Variants in GPR89B observed in about 807,000 individuals in gnomAD.
GPR89B encodes the protein G protein-coupled receptor 89B.
In GPR89B, 25 loss-of-function variants were observed where a neutral mutation model predicts 52.4. That is an observed-to-expected ratio of 0.48 (90% CI 0.35 to 0.67). GPR89B has a LOEUF of 0.67. Ranked by LOEUF, GPR89B falls within the 30% of genes least tolerant of loss-of-function variation. GPR89B has a pLI of 0.01. For missense variants in GPR89B, 146 were observed against 450.2 expected, an observed-to-expected ratio of 0.32 and a Z score of 6.11; for synonymous variants, 52 against 151.2, an observed-to-expected ratio of 0.34 and a Z score of 4.81.
At chr1:148,012,261 C>G in the GPR89B span, 1 of 145,482 alleles carries the variant, frequency 6.9e-6, no homozygotes, top group Non-Finnish European at 1.5e-5. Context: ...TCTTTGTAAA[C>G]AGGAATCAGG....
At chr1:148,022,945 A>G in the GPR89B span, among the ~76,000 whole-genome samples, 323 of 151,962 alleles carry the variant, frequency 2.1e-3, 8 homozygotes, top group African/African-American at 7.1e-3. Context: ...TAATTTTTTT[A>G]GTGTACTATA....
intron 2 of GPR89B, among the ~76,000 whole-genome samples, 187 bp downstream of exon 2, chr1:147,936,873 A>G (rs1469877390): frequency 5.3e-5 from 8 of 152,246 alleles, no homozygotes; most frequent in Admixed American, 1.3e-4. Context: ...AAAAAGGCAA[A>G]TCAAATATAG....
intron 10 of GPR89B, among the ~76,000 whole-genome samples, chr1:147,971,608 C>T (rs1187045602): frequency 1.3e-5 from 2 of 151,066 alleles, no homozygotes; most frequent in African/African-American, 4.9e-5. Context: ...TCCCAAGTAG[C>T]TGGGACTACA....
intron 1 of GPR89B, among the ~76,000 whole-genome samples, chr1:147,936,182 T>G (rs1654071259): frequency 1.3e-5 from 2 of 152,148 alleles, no homozygotes; most frequent in Admixed American, 1.3e-4. Context: ...CAGCTAATTT[T>G]TGTATTTTCA....
rs587680959 is a variant in GPR89B at position 147,936,596 on chromosome 1, G to A, written c.43-31G>A. 15 of 1,569,710 alleles carry A rather than the reference G, an allele frequency of 9.6e-6. No homozygotes were observed. In the East Asian group the frequency reaches 2.5e-4, roughly 26 times the overall value. ...TAAAACATTTCTCAAAAGAAAATAT[G>A]TATTGACATTCTATCTTCTTTCTCC... On this transcript the variant is annotated intron_variant, in intron 1 of 13. Transcript: ENST00000314163.
the GPR89B span, chr1:148,004,002 T>C: frequency 2.2e-5 from 11 of 511,038 alleles, no homozygotes; most frequent in African/African-American, 4.5e-5. Flanking sequence ...CACACACAGA[T>C]GAGGAATGAC....
chr1:147,956,675 GA>G, intron 7 of GPR89B, among the ~76,000 whole-genome samples: 1 of 151,804 alleles, frequency 6.6e-6, no homozygotes, highest in South Asian at 2.1e-4. Context: ...TAAATGGAAA[GA>G]TATCCCATGT....
the GPR89B span, among the ~76,000 whole-genome samples, chr1:148,004,517 A>G: frequency 2.4e-5 from 3 of 126,088 alleles, no homozygotes; most frequent in Non-Finnish European, 5.0e-5. Context: ...ACCTACCCAC[A>G]TAGGTGCTAA....
At chr1:147,961,023 C>CA (rs1321615054) in intron 7 of GPR89B, among the ~76,000 whole-genome samples, 2 of 142,426 alleles carry the variant, frequency 1.4e-5, no homozygotes, top group Non-Finnish European at 3.1e-5. Flanking sequence ...ACCAAAAATA[C>CA]AAAAAAAATT....
the GPR89B span, among the ~76,000 whole-genome samples, chr1:148,005,194 A>AT: frequency 1.2e-5 from 1 of 85,220 alleles, no homozygotes; most frequent in Non-Finnish European, 2.3e-5. Flanking sequence ...CCAAAACCCT[A>AT]TATTAACACT....
At chr1:147,989,866 ATT>A (rs1658933651) in intron 12 of GPR89B, among the ~76,000 whole-genome samples, 3 of 152,164 alleles carry the variant, frequency 2.0e-5, no homozygotes. Flanking sequence ...AGTCTTTGCT[ATT>A]GTGAATAGAG....
chr1:147,989,580 C>A (rs1202375818), intron 12 of GPR89B, among the ~76,000 whole-genome samples: 109 of 152,194 alleles, frequency 7.2e-4, no homozygotes, highest in African/African-American at 2.4e-3. Flanking sequence ...GTCCCTCCCC[C>A]CTTCCCCCAC....
intron 10 of GPR89B, among the ~76,000 whole-genome samples, chr1:147,977,895 T>A (rs1211437206): frequency 2.0e-5 from 3 of 151,700 alleles, no homozygotes; most frequent in Non-Finnish European, 4.4e-5. Flanking sequence ...TAATGTTTTA[T>A]CATGGTTCTT....
chr1:147,968,615 A>G (rs1657201521), intron 8 of GPR89B: 1 of 576,480 alleles, frequency 1.7e-6, no homozygotes, highest in Non-Finnish European at 3.1e-6. Flanking sequence ...AAATGAAACT[A>G]TCTGTTTGAG....
intron 10 of GPR89B, among the ~76,000 whole-genome samples, chr1:147,975,451 A>G (rs1657767531): frequency 6.7e-6 from 1 of 150,184 alleles, no homozygotes; most frequent in African/African-American, 2.4e-5. Flanking sequence ...GTTGATTTGC[A>G]TAGAGATGTT....
intron 5 of GPR89B, among the ~76,000 whole-genome samples, chr1:147,950,193 C>T (rs1325292184): frequency 6.7e-5 from 10 of 148,942 alleles, no homozygotes; most frequent in East Asian, 6.2e-4. Context: ...GGTTGCCAGG[C>T]GGAGGGTCTC....
rs782728637 is a variant in GPR89B at position 147,928,504 on chromosome 1, A to C, written c.-33A>C. 1 of 1,613,484 alleles carries C rather than the reference A, an allele frequency of 6.2e-7. No homozygotes were observed. On this transcript the variant is annotated 5_prime_UTR_variant, in exon 1 of 14. Coordinates refer to ENST00000314163, the MANE Select transcript of GPR89B (RefSeq NM_016334.5). Reference sequence around the variant, plus strand: ...GCGTGCTGTGGCCTCCGGGAGTGGGAAGTGGAGGCAGGAGCCTTCCTTACA... The same window carrying C: ...GCGTGCTGTGGCCTCCGGGAGTGGGCAGTGGAGGCAGGAGCCTTCCTTACA...
chr1:147,968,713 G>C (rs1436375809), intron 8 of GPR89B, 162 bp from the exon 9 acceptor site: 29 of 1,040,134 alleles, frequency 2.8e-5, no homozygotes, highest in African/African-American at 4.8e-5. Flanking sequence ...TCAGAGGTTG[G>C]GAAAGTTGCT....
chr1:147,930,328 A>G (rs1653468828), intron 1 of GPR89B, among the ~76,000 whole-genome samples: 1 of 152,134 alleles, frequency 6.6e-6, no homozygotes, highest in Non-Finnish European at 1.5e-5. Context: ...GTTTTACCTG[A>G]CACCCTGCCC....
Sources: allele counts gnomAD v4.1 joint callset (sites outside exome capture counted in the v4.1 genomes callset), GRCh38; gene constraint gnomAD v4.1.1; transcripts MANE v1.5; gene names NCBI Gene and HGNC (gene_info 2026-07-23, HGNC 2026-07-21).